LDLRAD4: variants seen among roughly 807,000 people sequenced by gnomAD.
LDLRAD4 encodes low-density lipoprotein receptor class A domain-containing protein 4.
Under a neutral mutation model 17.0 loss-of-function variants are expected in LDLRAD4, and 5 were observed. That is an observed-to-expected ratio of 0.29 (90% confidence interval 0.15 to 0.62). The LOEUF (loss-of-function observed/expected upper bound fraction) is 0.62, where lower values mean the gene tolerates loss of function less well. Ranked by LOEUF, LDLRAD4 falls within the 20% of genes least tolerant of loss-of-function variation. The pLI is 0.84. For missense variants in LDLRAD4, 340 were observed against 424.7 expected (o/e 0.80, Z 1.75); for synonymous variants, 168 against 171.8 (o/e 0.98, Z 0.17).
intron 2 of LDLRAD4, among the ~76,000 whole-genome samples, chr18:13,426,463 G>T (rs1201644164): frequency 1.3e-5 from 2 of 152,134 alleles, no homozygotes; most frequent in Admixed American, 1.3e-4. Flanking sequence ...TAACTTTCAG[G>T]GCAGGTGAGA....
intron 2 of LDLRAD4, among the ~76,000 whole-genome samples, chr18:13,421,891 C>A (rs1017706435): frequency 6.6e-6 from 1 of 152,256 alleles, no homozygotes; most frequent in African/African-American, 2.4e-5. Context: ...GTCCTCGCTG[C>A]ACCTGCAGCC....
chr18:13,404,668 A>G (rs1326717138), intron 2 of LDLRAD4, among the ~76,000 whole-genome samples: 1 of 151,780 alleles, frequency 6.6e-6, no homozygotes, highest in Non-Finnish European at 1.5e-5. Flanking sequence ...TGTAGTGGTG[A>G]GTGCCTGTAG....
At chr18:13,466,662 C>T (rs780900038) in intron 3 of LDLRAD4, among the ~76,000 whole-genome samples, 4 of 152,128 alleles carry the variant, frequency 2.6e-5, no homozygotes, top group Non-Finnish European at 4.4e-5. Flanking sequence ...GGCATGTCCT[C>T]GTCCAGCTGG....
At chr18:13,333,197 T>C (rs2081953254) in intron 1 of LDLRAD4, among the ~76,000 whole-genome samples, 2 of 152,252 alleles carry the variant, frequency 1.3e-5, no homozygotes, top group Admixed American at 1.3e-4. Flanking sequence ...ATATGCTTAT[T>C]GGCCATCTCT....
At position 13,538,083 on chromosome 18, in the gene LDLRAD4, C is replaced by G. The variant is rs570752305; in HGVS notation, c.182-83034C>G. Among the ~76,000 whole-genome samples, 3 of 152,274 alleles carry G rather than the reference C, an allele frequency of 2.0e-5. No individual in the cohort carries two copies. The East Asian group carries it at 5.8e-4, about 29-fold the overall frequency. On this transcript the variant is annotated intron_variant, in intron 3 of 5. Transcript: ENST00000359446. ...TCTTCCCTGTTTTCTTCTTGCCAGT[C>G]TAGCTAGAGAACTTATCAGATTTGT...
intron 3 of LDLRAD4, among the ~76,000 whole-genome samples, chr18:13,592,074 G>A (rs891057830): frequency 1.3e-5 from 2 of 152,094 alleles, no homozygotes; most frequent in African/African-American, 4.8e-5. Flanking sequence ...TATAACCTTC[G>A]ACCTTGAAAG....
chr18:13,329,370 A>G (rs1202274121), intron 1 of LDLRAD4, among the ~76,000 whole-genome samples: 1 of 152,198 alleles, frequency 6.6e-6, no homozygotes, highest in Non-Finnish European at 1.5e-5. Flanking sequence ...AAAAAGTAAT[A>G]GAGTTATTTT....
At chr18:13,315,783 TA>T (rs78099800) in intron 1 of LDLRAD4, among the ~76,000 whole-genome samples, 2,001 of 85,866 alleles carry the variant, frequency 0.023, 30 homozygotes, top group African/African-American at 0.058. Context: ...AAACTCCGTC[TA>T]AAAAAAAAAA....
At chr18:13,369,973 G>A (rs2144817546) in intron 1 of LDLRAD4, among the ~76,000 whole-genome samples, 1 of 152,318 alleles carries the variant, frequency 6.6e-6, no homozygotes, top group Non-Finnish European at 1.5e-5. Flanking sequence ...GGGGATTCTG[G>A]GAGGTTTTGC....
chr18:13,411,621 T>G (rs527392672), intron 2 of LDLRAD4, among the ~76,000 whole-genome samples: 1 of 152,196 alleles, frequency 6.6e-6, no homozygotes, highest in Non-Finnish European at 1.5e-5. Flanking sequence ...GCACACGCTC[T>G]CTTGCCTGCT....
At chr18:13,418,446 C>G (rs1436951350) in intron 2 of LDLRAD4, among the ~76,000 whole-genome samples, 1 of 152,232 alleles carries the variant, frequency 6.6e-6, no homozygotes, top group Non-Finnish European at 1.5e-5. Context: ...CTGATGGACC[C>G]TTAAAGCTGC....
intron 2 of LDLRAD4, among the ~76,000 whole-genome samples, chr18:13,391,087 G>T (rs1339564475): frequency 2.0e-5 from 3 of 152,156 alleles, no homozygotes; most frequent in Non-Finnish European, 4.4e-5. Flanking sequence ...TAAAATTTTG[G>T]ATTTTGCTGA....
chr18:13,567,393 G>A (rs919064681), intron 3 of LDLRAD4, among the ~76,000 whole-genome samples: 6 of 152,190 alleles, frequency 3.9e-5, no homozygotes, highest in Admixed American at 1.3e-4. Flanking sequence ...AATGCTGCTC[G>A]GCTTCAGTTC....
intron 3 of LDLRAD4, among the ~76,000 whole-genome samples, chr18:13,604,689 A>G (rs1048511692): frequency 4.6e-5 from 7 of 152,196 alleles, no homozygotes; most frequent in Non-Finnish European, 7.3e-5. Flanking sequence ...AAGCAAAATA[A>G]AATATTTTCC....
At chr18:13,382,638 CGTGTGTGCAT>C (rs1220511237) in intron 1 of LDLRAD4, 3 of 150,324 alleles carry the variant, frequency 2.0e-5, no homozygotes, top group Admixed American at 6.6e-5. Flanking sequence ...CGTGTGTGTG[CGTGTGTGCAT>C]GTGTGTGCGT....
rs1230886607 is a variant in LDLRAD4, at chr18:13,642,276, G to A, written c.337-1083G>A. On this transcript the variant is annotated intron_variant, in intron 4 of 5. Transcript: ENST00000359446. ...GGCTCAGTGATGGCCCAGCCCGCCCGTTTCCGAGAATTCCCCAAACGCGGG... is the reference window on the plus strand; with the variant it reads ...GGCTCAGTGATGGCCCAGCCCGCCCATTTCCGAGAATTCCCCAAACGCGGG... The A allele has an allele frequency of 4.0e-6, 4 of 988,244 alleles. No individual in the cohort carries two copies. In the African/African-American group the frequency reaches 7.0e-5, roughly 17 times the overall value. The allele number at this position is 988,244 out of a possible 1,614,324, so 61.2% of individuals were successfully genotyped here. A position where few individuals can be genotyped will look rare whatever the true frequency, so the allele number is the denominator to read the frequency against.
intron 1 of LDLRAD4, among the ~76,000 whole-genome samples, chr18:13,245,269 C>T (rs1235598423): frequency 3.3e-5 from 5 of 152,120 alleles, no homozygotes; most frequent in Non-Finnish European, 5.9e-5. Flanking sequence ...AGAGCTTATT[C>T]AGTATCAGAA....
chr18:13,581,656 C>A (rs2094859934), intron 3 of LDLRAD4, among the ~76,000 whole-genome samples: 2 of 151,962 alleles, frequency 1.3e-5, no homozygotes, highest in South Asian at 4.1e-4. Context: ...AATTTTAGTT[C>A]TGTGGTTTCT....
At chr18:13,315,393 A>C (rs1254530006) in intron 1 of LDLRAD4, among the ~76,000 whole-genome samples, 1 of 152,260 alleles carries the variant, frequency 6.6e-6, no homozygotes, top group African/African-American at 2.4e-5. Flanking sequence ...CAATGGAAAC[A>C]GCAACAGGTG....
Sources: allele counts gnomAD v4.1 joint callset (sites outside exome capture counted in the v4.1 genomes callset), GRCh38; gene constraint gnomAD v4.1.1; transcripts MANE v1.5; gene names NCBI Gene and HGNC (gene_info 2026-07-23, HGNC 2026-07-21).